Variants in EIF4E1B observed in about 807,000 individuals in gnomAD.
The protein encoded by EIF4E1B is eukaryotic translation initiation factor 4E type 1B.
EIF4E1B carries 22 observed loss-of-function variants against 31.3 expected under a neutral mutation model. The ratio of observed to expected loss-of-function variants is 0.70; its 90% CI spans 0.50 to 1.00. The LOEUF (loss-of-function observed/expected upper bound fraction) is 1.00. EIF4E1B is among the 50% of genes least tolerant of loss of function. The pLI is 0.00. For synonymous variants in EIF4E1B, 126 were observed against 120.2 expected, an observed-to-expected ratio of 1.05 and a Z score of -0.31; for missense variants, 290 against 311.6, an observed-to-expected ratio of 0.93 and a Z score of 0.52.
At position 176,638,077 on chromosome 5, in the gene EIF4E1B, A is replaced by G. The variant is rs922439357; in HGVS notation, c.-201-3966A>G. Among the ~76,000 whole-genome samples, 1 of 152,092 alleles carries G rather than the reference A, an allele frequency of 6.6e-6. No individual in the cohort carries two copies. The highest frequency in any genetic ancestry group is 1.5e-5 in the Non-Finnish European group (1 of 68,008). Reference sequence around the variant, plus strand: ...CTGAGCAGTTGGAAGGGTGGAGAAGACGGTTGGAAGAACAAGTCTGGAGCG... The same window carrying G: ...CTGAGCAGTTGGAAGGGTGGAGAAGGCGGTTGGAAGAACAAGTCTGGAGCG... On this transcript the variant is annotated intron_variant, in intron 1 of 8. Coordinates refer to ENST00000318682, the MANE Select transcript of EIF4E1B (RefSeq NM_001099408.2). This position sits in a 1 kb window ranked among gnomAD's most constrained non-coding sequence, Gnocchi z 4.3.
intron 3 of EIF4E1B, 136 bp from the exon 4 acceptor site, chr5:176,642,946 T>C: frequency 7.0e-7 from 1 of 1,435,056 alleles, no homozygotes; most frequent in South Asian, 1.3e-5. Flanking sequence ...CTCCATGGAG[T>C]TTGAGCTGGG....
rs555063008 is a variant in EIF4E1B at position 176,645,843 on chromosome 5, C to T, written c.615-23C>T. ...CTGATGACTACCTGTGTCTCTTTTC[C>T]TCTGTGTCCCCCGCACCTGCAGGCG... On this transcript the variant is annotated intron_variant, in intron 8 of 8. Coordinates refer to ENST00000318682, the MANE Select transcript of EIF4E1B (RefSeq NM_001099408.2). The surrounding 1 kb of genome is among the most constrained non-coding windows in gnomAD (Gnocchi z 5.4). 80 of 1,546,468 alleles carry T rather than the reference C, an allele frequency of 5.2e-5. No homozygotes were observed. The South Asian group carries it at 8.4e-4, about 16-fold the overall frequency.
intron 1 of EIF4E1B, among the ~76,000 whole-genome samples, chr5:176,639,524 TG>T (rs1457636859): frequency 1.3e-5 from 2 of 152,224 alleles, no homozygotes; most frequent in African/African-American, 4.8e-5. Context: ...GTGCTGTGGC[TG>T]GGAGGGTCCT....
At chr5:176,634,770 A>G (rs1308482057) in intron 1 of EIF4E1B, among the ~76,000 whole-genome samples, 2 of 151,488 alleles carry the variant, frequency 1.3e-5, no homozygotes, top group Non-Finnish European at 2.9e-5. Context: ...CCTGGGTTCA[A>G]AGGATTCTCC....
chr5:176,645,383 T>C lies in EIF4E1B; in HGVS notation c.481T>C (p.Cys161Arg). ...LDRLWLETLL[C>R]LIGESFEEHS... ...CCCCCTACTTCGGGTCCAGCTGCTG[T>C]GTCTGATCGGGGAGAGCTTTGAGGA... Residue 161 changes from cysteine to arginine, a missense_variant, in exon 8 of 9, where the codon TGT becomes CGT. Cys to Arg is a radical substitution (Grantham distance 180). Coordinates refer to ENST00000318682, the MANE Select transcript of EIF4E1B (RefSeq NM_001099408.2). This position sits in a 1 kb window ranked among gnomAD's most constrained non-coding sequence, Gnocchi z 5.4. 4 of 1,531,828 alleles carry C rather than the reference T, an allele frequency of 2.6e-6. No homozygotes were observed. The highest frequency in any genetic ancestry group is 3.5e-6 in the Non-Finnish European group (4 of 1,136,998). The allele number at this position is 1,531,828 out of a possible 1,614,324, so 94.9% of individuals were successfully genotyped here. A position where few individuals can be genotyped will look rare whatever the true frequency, so the allele number is the denominator to read the frequency against.
In EIF4E1B at chr5:176,646,203, C is replaced by A; in HGVS notation, c.*223C>A. On this transcript the variant is annotated 3_prime_UTR_variant, in exon 9 of 9. Coordinates refer to ENST00000318682, the MANE Select transcript of EIF4E1B (RefSeq NM_001099408.2). ...CCTAGCTTGTCCTGGGGCCACAGGA[C>A]AGCAGCAGGGTGGAAAAAACTCCTG... The A allele has an allele frequency of 2.1e-6, 1 of 486,072 alleles. No individual in the cohort carries two copies. Among genetic ancestry groups the A allele is most frequent in the Non-Finnish European group, 3.7e-6 (1 of 267,546 alleles). The allele number at this position is 486,072 out of a possible 1,614,324, so 30.1% of individuals were successfully genotyped here.
chr5:176,635,822 T>G (rs1760482478), intron 1 of EIF4E1B, among the ~76,000 whole-genome samples: 1 of 150,820 alleles, frequency 6.6e-6, no homozygotes, highest in Non-Finnish European at 1.5e-5. Context: ...CTTTCTTTCT[T>G]TCCTTTTTTT....
At position 176,643,089 on chromosome 5, in the gene EIF4E1B, A is replaced by AAG; in HGVS notation, c.24_25dup (p.Ala9GlufsTer38). ...CTCCTTTTTTTGGCTCAGGTGAGTG[A>AAG]AGCTGAGGGTGGAATCCGAGAGTGG... On this transcript the variant is annotated frameshift_variant, in exon 4 of 9. Transcript: ENST00000318682. LOFTEE classifies it high-confidence loss of function. 6.2e-7 allele frequency: 1 copy of AAG among 1,611,298 alleles called. No individual in the cohort carries two copies. Among genetic ancestry groups the AAG allele is most frequent in the Non-Finnish European group, 8.5e-7 (1 of 1,178,650 alleles).
Position 176,643,594 on chromosome 5 carries a change from T to C in EIF4E1B, c.201-45T>C, listed in dbSNP as rs762318508. ...CAGTCCAGGTGCCCCGGGGGTGGAC[T>C]TGGCTCTCTGCTTCCTCCTGGCTGC... On this transcript the variant is annotated intron_variant, in intron 4 of 8. Coordinates refer to ENST00000318682, the MANE Select transcript of EIF4E1B (RefSeq NM_001099408.2). 6 of 1,557,810 alleles carry C rather than the reference T, an allele frequency of 3.9e-6. No individual in the cohort carries two copies. The East Asian group carries it at 1.4e-4, about 37-fold the overall frequency.
chr5:176,639,797 T>C (rs953113356), intron 1 of EIF4E1B, among the ~76,000 whole-genome samples: 1 of 151,898 alleles, frequency 6.6e-6, no homozygotes, highest in Non-Finnish European at 1.5e-5. Context: ...CATGGTGGTG[T>C]GCACCTGTAG....
intron 1 of EIF4E1B, among the ~76,000 whole-genome samples, chr5:176,637,217 T>C (rs1468068367): frequency 1.3e-5 from 2 of 152,162 alleles, no homozygotes; most frequent in African/African-American, 2.4e-5. Context: ...GGTGGGCGGA[T>C]CACCTGCGGT....
At chr5:176,642,611 C>G (rs375479409) in intron 2 of EIF4E1B, 99 bp from the exon 3 acceptor site, 77 of 1,011,780 alleles carry the variant, frequency 7.6e-5, no homozygotes, top group South Asian at 3.5e-5. Flanking sequence ...CTTCTGCCAT[C>G]GGCAGGGCCG....
rs963703253 is a variant in EIF4E1B, at chr5:176,642,710, G to T, written c.-78G>T. ...TCCAAATATTGACGCTTACCTTCAG[G>T]TCTTGGCCCCCATGGTGTGGGGCTT... On this transcript the variant is annotated splice_region_variant and 5_prime_UTR_variant, in exon 3 of 9. Transcript: ENST00000318682. The T allele has an allele frequency of 1.3e-6, 2 of 1,546,726 alleles. No homozygotes were observed. Among genetic ancestry groups the T allele is most frequent in the African/African-American group, 2.7e-5 (2 of 72,842 alleles).
rs756099664 is a variant in EIF4E1B at position 176,645,416 on chromosome 5, A to G, written c.514A>G (p.Arg172Gly). The change falls in exon 8 of 9, where the codon AGA becomes GGA. Residue 172 changes from arginine (R) to glycine (G), a missense_variant. Physicochemically the swap from Arg to Gly is moderately radical, Grantham distance 125. Transcript: ENST00000318682. The surrounding 1 kb of genome is among the most constrained non-coding windows in gnomAD (Gnocchi z 5.4). ...CGGGGAGAGCTTTGAGGAACACAGC[A>G]GAGAGGTATGTGGGGCCGTCGTCAA... is the stretch of plus-strand genomic sequence containing the variant. ...LIGESFEEHS[R>G]EVCGAVVNIR... The G allele has an allele frequency of 1.3e-6, 2 of 1,522,424 alleles. No homozygotes were observed. The highest frequency in any genetic ancestry group is 1.8e-6 in the Non-Finnish European group (2 of 1,134,154). 94.3% of individuals were successfully genotyped at this position (1,522,424 alleles called of 1,614,324 possible).
intron 1 of EIF4E1B, among the ~76,000 whole-genome samples, chr5:176,639,147 G>T (rs181579227): frequency 6.6e-6 from 1 of 152,308 alleles, no homozygotes; most frequent in East Asian, 1.9e-4. Flanking sequence ...TATTTTAAAT[G>T]ATCCCCCCGA....
rs1420028464 is a variant in EIF4E1B, at chr5:176,644,416, G to A, written c.337G>A (p.Gly113Ser). The change falls in exon 6 of 9, where the codon GGC (glycine) becomes AGC (serine). Residue 113 changes from glycine to serine, a missense_variant. Gly to Ser is a moderately conservative substitution (Grantham distance 56, BLOSUM62 0). Transcript: ENST00000318682. ...CCAGCTGGCCAGCAAGCTCTCCTCT[G>A]GCTGTGACTACGCCCTCTTCAAGGT... ...HIQLASKLSS[G>S]CDYALFKDGI... The A allele has an allele frequency of 1.9e-6, 3 of 1,596,106 alleles. No individual in the cohort carries two copies. Among genetic ancestry groups the A allele is most frequent in the African/African-American group, 1.3e-5 (1 of 74,480 alleles).
intron 5 of EIF4E1B, 88 bp from the exon 6 acceptor site, chr5:176,644,288 C>G: frequency 7.3e-7 from 1 of 1,365,642 alleles, no homozygotes; most frequent in Non-Finnish European, 1.0e-6. Context: ...GCCATGGGGT[C>G]GGATGAGGAG....
At chr5:176,639,845 C>T (rs1042008617) in intron 1 of EIF4E1B, among the ~76,000 whole-genome samples, 2 of 151,930 alleles carry the variant, frequency 1.3e-5, no homozygotes, top group African/African-American at 4.8e-5. Flanking sequence ...GAGAATGAGC[C>T]AAGGAGTTTG....
intron 5 of EIF4E1B, 151 bp downstream of exon 5, chr5:176,643,885 AC>A: frequency 7.1e-6 from 5 of 707,946 alleles, no homozygotes; most frequent in Non-Finnish European, 9.2e-6. Flanking sequence ...GGGCACAACC[AC>A]CCCCCACCCC....
Sources: gnomAD v4.1 joint callset for allele counts (sites outside exome capture counted in the v4.1 genomes callset) on GRCh38, gnomAD v4.1.1 for gene constraint, Gnocchi (gnomAD v3.1) non-coding constraint, MANE v1.5 for transcripts, NCBI Gene and HGNC (gene_info 2026-07-23, HGNC 2026-07-21) for gene names.